Variants in C2CD3 observed in about 807,000 individuals in gnomAD.
C2CD3 encodes the protein C2 domain-containing protein 3.
Under a neutral mutation model 234.0 loss-of-function variants are expected in C2CD3, and 148 were observed. The observed-to-expected ratio is 0.63, with a 90% CI of 0.55 to 0.72. C2CD3 has a LOEUF of 0.72. Among genes scored for constraint, C2CD3 ranks in the 30% least tolerant of loss-of-function variants. The pLI is 0.00. For synonymous variants in C2CD3, 1,000 were observed against 1,035.4 expected, an observed-to-expected ratio of 0.97 and a Z score of 0.66; for missense variants, 2,577 against 2,811.5, an observed-to-expected ratio of 0.92 and a Z score of 1.89.
chr11:74,106,244 T>G (rs1418415936), intron 13 of C2CD3, 127 bp downstream of exon 13: 1 of 837,016 alleles, frequency 1.2e-6, no homozygotes, highest in Non-Finnish European at 1.9e-6. Flanking sequence ...CTTCCACTGC[T>G]CTATTTCAAG....
chr11:74,166,773 G>A (rs1445757250), intron 2 of C2CD3, among the ~76,000 whole-genome samples: 1 of 152,180 alleles, frequency 6.6e-6, no homozygotes, highest in South Asian at 2.1e-4. Flanking sequence ...CACGCTGCCT[G>A]AGTCTTAATA....
intron 3 of C2CD3, among the ~76,000 whole-genome samples, chr11:74,150,524 A>AAC (rs1565348295): frequency 1.8e-4 from 11 of 59,758 alleles, no homozygotes; most frequent in Non-Finnish European, 2.6e-4. Context: ...AACAAAAAAA[A>AAC]AACAAAACAA....
At chr11:74,159,244 C>T (rs1856269313) in intron 3 of C2CD3, among the ~76,000 whole-genome samples, 1 of 152,158 alleles carries the variant, frequency 6.6e-6, no homozygotes, top group Admixed American at 6.5e-5. Flanking sequence ...TAATAAACAA[C>T]TATGTTACTG....
At chr11:74,166,870 C>A (rs1159901081) in intron 2 of C2CD3, among the ~76,000 whole-genome samples, 1 of 152,076 alleles carries the variant, frequency 6.6e-6, no homozygotes, top group East Asian at 1.9e-4. Flanking sequence ...CACAATAATT[C>A]CTGACAGGTA....
At position 74,028,403 on chromosome 11, in the gene C2CD3, A is replaced by G; in HGVS notation, c.6810-5T>C. The G allele has an allele frequency of 6.5e-7, 1 of 1,529,776 alleles. No homozygotes were observed. The highest frequency in any genetic ancestry group is 2.4e-5 in the East Asian group (1 of 40,840). 94.8% of individuals were successfully genotyped at this position (1,529,776 alleles called of 1,614,324 possible). The stretch of plus-strand genomic sequence containing the variant: ...GGCACCACAATGGGCCCTGGGCTAC[A>G]ATGGTAGTTAAGGGACAAAAATACC... On this transcript the variant is annotated splice_region_variant and splice_polypyrimidine_tract_variant and intron_variant, in intron 31 of 32. Transcript: ENST00000334126.
chr11:74,049,580 G>GA, intron 26 of C2CD3, 38 bp from the exon 27 acceptor site: 4 of 1,502,500 alleles, frequency 2.7e-6, no homozygotes, highest in Non-Finnish European at 3.7e-6. Flanking sequence ...ATGTGGCTAG[G>GA]CATGTCCTGC....
chr11:74,136,957 TAA>T (rs1215230082), intron 5 of C2CD3, among the ~76,000 whole-genome samples: 3 of 138,076 alleles, frequency 2.2e-5, no homozygotes, highest in African/African-American at 7.7e-5. Flanking sequence ...TAAAAAAAAA[TAA>T]AAGTTAAAAA....
chr11:74,038,418 ATAT>A (rs1158930335), intron 29 of C2CD3, among the ~76,000 whole-genome samples: 1 of 152,222 alleles, frequency 6.6e-6, no homozygotes, highest in Non-Finnish European at 1.5e-5. Flanking sequence ...GCTTTTAAAC[ATAT>A]TATCTTGTTT....
At position 74,093,963 on chromosome 11, in the gene C2CD3, A is replaced by G. The variant is rs200175535; in HGVS notation, c.3197T>C (p.Leu1066Pro). 99 of 1,613,968 alleles carry G rather than the reference A, an allele frequency of 6.1e-5. No individual in the cohort carries two copies. Among genetic ancestry groups the G allele is most frequent in the Non-Finnish European group, 8.3e-5 (98 of 1,179,872 alleles). ...ATTAAAGATGGGATCTGGAACACAG[A>G]GTGTGGTTGCAGTTCTGAAGGGCTT... ...TLKPFRTATTLCVPDPIFNSE... is the reference protein window; with the variant it reads ...TLKPFRTATTPCVPDPIFNSE... Residue 1066 changes from leucine to proline, a missense_variant, in exon 18 of 33, where the codon CTC becomes CCC. Coordinates refer to ENST00000334126, the MANE Select transcript of C2CD3 (RefSeq NM_001286577.2).
At chr11:74,030,758 T>C (rs1952489004) in intron 31 of C2CD3, among the ~76,000 whole-genome samples, 1 of 152,090 alleles carries the variant, frequency 6.6e-6, no homozygotes, top group African/African-American at 2.4e-5. Flanking sequence ...CTCCTGCATC[T>C]CCTCCTGGAT....
Position 74,074,487 on chromosome 11 carries a change from A to T in C2CD3, c.4717T>A (p.Ser1573Thr). ...TCACTGTGGCTGCTGCAGTCCATGG[A>T]GTCCAGCTCATGAGTGGGCTCAAGG... ...SHLEPTHELDSMDCSSHSESE... is the reference protein window; with the variant it reads ...SHLEPTHELDTMDCSSHSESE... The change falls in exon 24 of 33, where the codon TCC becomes ACC. Residue 1573 changes from serine to threonine, a missense_variant. Coordinates refer to ENST00000334126, the MANE Select transcript of C2CD3 (RefSeq NM_001286577.2). The T allele has an allele frequency of 6.2e-7, 1 of 1,614,190 alleles. No individual in the cohort carries two copies. Among genetic ancestry groups the T allele is most frequent in the Non-Finnish European group, 8.5e-7 (1 of 1,180,016 alleles).
At chr11:74,149,824 T>C (rs1855476412) in intron 3 of C2CD3, among the ~76,000 whole-genome samples, 1 of 152,072 alleles carries the variant, frequency 6.6e-6, no homozygotes, top group South Asian at 2.1e-4. Flanking sequence ...TCAGGAAGAG[T>C]GTGGGAGAGG....
chr11:74,164,545 C>T (rs1590981268), intron 2 of C2CD3, among the ~76,000 whole-genome samples: 1 of 152,094 alleles, frequency 6.6e-6, no homozygotes. Context: ...ACCTCAAATT[C>T]GTCACTCAGA....
intron 20 of C2CD3, among the ~76,000 whole-genome samples, chr11:74,090,482 A>G (rs539880204): frequency 1.3e-5 from 2 of 152,330 alleles, no homozygotes; most frequent in East Asian, 3.9e-4. Flanking sequence ...GTACTCAGAG[A>G]CTGAAAGGAA....
At chr11:74,170,709 T>C (rs1450944161) in intron 1 of C2CD3, 29 bp downstream of exon 1, 16 of 1,613,984 alleles carry the variant, frequency 9.9e-6, no homozygotes, top group Middle Eastern at 1.6e-4. Context: ...CCTATTACGC[T>C]TTCCTCAATC....
intron 24 of C2CD3, among the ~76,000 whole-genome samples, chr11:74,069,138 C>A (rs1410434250): frequency 2.0e-5 from 3 of 152,190 alleles, no homozygotes; most frequent in Non-Finnish European, 4.4e-5. Context: ...TGCTAAAGGC[C>A]TTGAAACAAA....
intron 32 of C2CD3, among the ~76,000 whole-genome samples, chr11:74,024,305 GA>G (rs571226820): frequency 6.6e-6 from 1 of 151,944 alleles, no homozygotes; most frequent in African/African-American, 2.4e-5. Flanking sequence ...ATATCCAGTA[GA>G]AAAAAAATCT....
At chr11:74,054,341 C>T (rs1313686636) in intron 26 of C2CD3, among the ~76,000 whole-genome samples, 10 of 150,582 alleles carry the variant, frequency 6.6e-5, no homozygotes, top group Admixed American at 6.6e-4. Flanking sequence ...ACTCAGGAGA[C>T]TGAGATGATC....
At chr11:74,144,482 T>A (rs1855028489) in intron 3 of C2CD3, among the ~76,000 whole-genome samples, 1 of 152,226 alleles carries the variant, frequency 6.6e-6, no homozygotes, top group South Asian at 2.1e-4. Context: ...TCGGGGTACA[T>A]GTGCAGATTT....
Sources: gnomAD v4.1 joint callset for allele counts (sites outside exome capture counted in the v4.1 genomes callset) on GRCh38, gnomAD v4.1.1 for gene constraint, MANE v1.5 for transcripts, NCBI Gene and HGNC (gene_info 2026-07-23, HGNC 2026-07-21) for gene names.